FAR1: variants seen among roughly 807,000 people sequenced by gnomAD.
The protein encoded by FAR1 is male sterility domain-containing protein 2.
Under a neutral mutation model 61.1 loss-of-function variants are expected in FAR1, and 22 were observed. The observed-to-expected ratio is 0.36, with a 90% CI of 0.26 to 0.51. FAR1 has a LOEUF of 0.51. Among genes scored for constraint, FAR1 ranks in the 20% least tolerant of loss-of-function variants. FAR1 has a pLI of 0.95. For synonymous variants in FAR1, 206 were observed against 209.7 expected (o/e 0.98, Z 0.15); for missense variants, 359 against 626.9 (o/e 0.57, Z 4.56).
intron 3 of FAR1, among the ~76,000 whole-genome samples, chr11:13,707,211 C>T (rs1848441917): frequency 6.6e-6 from 1 of 152,162 alleles, no homozygotes; most frequent in South Asian, 2.1e-4. Context: ...AACTTTTCTG[C>T]ATATATACTT....
At chr11:13,685,108 T>TGTGC (rs1299806640) in intron 1 of FAR1, among the ~76,000 whole-genome samples, 1 of 152,188 alleles carries the variant, frequency 6.6e-6, no homozygotes, top group African/African-American at 2.4e-5. Flanking sequence ...CTGAAAATGA[T>TGTGC]GTCTTTTTAT....
intron 1 of FAR1, among the ~76,000 whole-genome samples, chr11:13,688,646 A>T (rs780593141): frequency 3.3e-5 from 5 of 152,114 alleles, no homozygotes. Context: ...TTGTTGAATA[A>T]ATTTTTACAT....
chr11:13,715,296 G>T (rs1017826662), intron 9 of FAR1, among the ~76,000 whole-genome samples: 1 of 152,128 alleles, frequency 6.6e-6, no homozygotes, highest in African/African-American at 2.4e-5. Context: ...TTAGAATTTG[G>T]AGATCTTTGG....
At position 13,729,460 on chromosome 11, in the gene FAR1, C is replaced by T. The variant is rs964916111; in HGVS notation, c.*686C>T. The stretch of plus-strand genomic sequence containing the variant: ...TCTAAATGGGTTTGAGAATCCATAT[C>T]AGCAACATACGTGTTTTTTGACAGA... On this transcript the variant is annotated 3_prime_UTR_variant, in exon 12 of 12. Transcript: ENST00000354817. 1 of 151,928 alleles carries T rather than the reference C, an allele frequency of 6.6e-6. No homozygotes were observed. Among genetic ancestry groups the T allele is most frequent in the African/African-American group, 2.4e-5 (1 of 41,424 alleles). The allele number at this position is 151,928 out of a possible 1,614,324, so 9.4% of individuals were successfully genotyped here.
chr11:13,687,965 G>A (rs1354651655), intron 1 of FAR1, among the ~76,000 whole-genome samples: 1 of 119,660 alleles, frequency 8.4e-6, no homozygotes, highest in Non-Finnish European at 1.7e-5. Flanking sequence ...GGGGGGAGGG[G>A]GGAGGGATAG....
intron 1 of FAR1, among the ~76,000 whole-genome samples, chr11:13,684,708 A>C (rs1190765856): frequency 1.3e-5 from 2 of 152,220 alleles, no homozygotes; most frequent in African/African-American, 2.4e-5. Context: ...GCAGTTTATA[A>C]GCTGGGCCTC....
rs1205387883 is a variant in FAR1, at chr11:13,731,122, G to T, written c.*2348G>T. On this transcript the variant is annotated 3_prime_UTR_variant, in exon 12 of 12. Transcript: ENST00000354817. The stretch of plus-strand genomic sequence containing the variant: ...TAAACTGTATTCTAAAACATTTGGG[G>T]TTTTTCCCCCTATTCAGTTTTAATC... 1 of 152,314 alleles carries T rather than the reference G, an allele frequency of 6.6e-6. No individual in the cohort carries two copies. The highest frequency in any genetic ancestry group is 1.5e-5 in the Non-Finnish European group (1 of 67,994). 9.4% of individuals were successfully genotyped at this position (152,314 alleles called of 1,614,324 possible).
Position 13,730,901 on chromosome 11 carries a change from TAA to T in FAR1, c.*2129_*2130del, listed in dbSNP as rs1443912071. On this transcript the variant is annotated 3_prime_UTR_variant, in exon 12 of 12. Transcript: ENST00000354817. ...AGAATTTAAAGTTCTAAGATTAGTA[TAA>T]AGAGTATATAGATTGTTAATCCCCA... The T allele has an allele frequency of 2.0e-5, 3 of 152,258 alleles. No individual in the cohort carries two copies. Among genetic ancestry groups the T allele is most frequent in the Middle Eastern group, 6.8e-3 (2 of 294 alleles). The allele number at this position is 152,258 out of a possible 1,614,324, so 9.4% of individuals were successfully genotyped here. A position where few individuals can be genotyped will look rare whatever the true frequency, so the allele number is the denominator to read the frequency against.
At chr11:13,681,272 T>C (rs1372613392) in intron 1 of FAR1, among the ~76,000 whole-genome samples, 1 of 152,188 alleles carries the variant, frequency 6.6e-6, no homozygotes, top group Non-Finnish European at 1.5e-5. Flanking sequence ...AACTCTTCGT[T>C]GTACCGTAGT....
chr11:13,701,857 A>C (rs1565345921), intron 3 of FAR1, among the ~76,000 whole-genome samples: 1 of 152,164 alleles, frequency 6.6e-6, no homozygotes, highest in African/African-American at 2.4e-5. Flanking sequence ...GCAGCATTGT[A>C]ATGGAAGGGC....
At chr11:13,725,145 C>T (rs921298024) in intron 10 of FAR1, among the ~76,000 whole-genome samples, 3 of 152,104 alleles carry the variant, frequency 2.0e-5, no homozygotes, top group African/African-American at 7.2e-5. Context: ...GAATAATTAT[C>T]CTATGAACAT....
intron 1 of FAR1, among the ~76,000 whole-genome samples, chr11:13,671,645 C>T (rs1848005965): frequency 6.6e-6 from 1 of 152,128 alleles, no homozygotes; most frequent in Non-Finnish European, 1.5e-5. Flanking sequence ...TTGTGGCAGA[C>T]ACTGTTTTGA....
At chr11:13,689,880 T>C (rs1848229306) in intron 1 of FAR1, among the ~76,000 whole-genome samples, 2 of 150,500 alleles carry the variant, frequency 1.3e-5, no homozygotes, top group Admixed American at 1.3e-4. Context: ...GATCTTTTTT[T>C]TTTTTTTTTT....
chr11:13,695,054 C>A, intron 2 of FAR1, 100 bp downstream of exon 2: 3 of 1,006,526 alleles, frequency 3.0e-6, no homozygotes, highest in South Asian at 3.7e-5. Flanking sequence ...CTTCAGTATT[C>A]TGAAAAAATT....
intron 4 of FAR1, among the ~76,000 whole-genome samples, chr11:13,709,085 AAT>A (rs1196258325): frequency 6.6e-5 from 10 of 152,202 alleles, no homozygotes; most frequent in African/African-American, 1.9e-4. Flanking sequence ...ATCCTTATAT[AAT>A]ATCTTTGAAT....
At chr11:13,683,131 G>A (rs545860359) in intron 1 of FAR1, among the ~76,000 whole-genome samples, 152 of 152,260 alleles carry the variant, frequency 1.0e-3, no homozygotes, top group Middle Eastern at 3.4e-3. Flanking sequence ...GGTGGCTCAC[G>A]CCTGTAATCC....
intron 1 of FAR1, among the ~76,000 whole-genome samples, chr11:13,694,517 G>A (rs1413239598): frequency 6.6e-6 from 1 of 152,166 alleles, no homozygotes; most frequent in Admixed American, 6.5e-5. Flanking sequence ...CAAGTCCAGA[G>A]AACGTGAGTG....
rs1355218759 is a variant in FAR1 at position 13,730,088 on chromosome 11, T to G, written c.*1314T>G. ...TCTACTTACTGTTTTAACATACATTTGATTTAACAAATTGTTCAGCATAAC... is the reference window on the plus strand; with the variant it reads ...TCTACTTACTGTTTTAACATACATTGGATTTAACAAATTGTTCAGCATAAC... On this transcript the variant is annotated 3_prime_UTR_variant, in exon 12 of 12. Transcript: ENST00000354817. 1 of 152,432 alleles carries G rather than the reference T, an allele frequency of 6.6e-6. No homozygotes were observed. Among genetic ancestry groups the G allele is most frequent in the African/African-American group, 2.4e-5 (1 of 41,464 alleles). The allele number at this position is 152,432 out of a possible 1,614,324, so 9.4% of individuals were successfully genotyped here.
chr11:13,698,921 G>T lies in FAR1; in HGVS notation c.190-1396G>T, dbSNP rs562603586. ...GTGGCTTAAAAGGCACAGTTATCTG[G>T]CCTTTCTTATCTCCATACAACTCTA... On this transcript the variant is annotated intron_variant, in intron 2 of 11. Coordinates refer to ENST00000354817, the MANE Select transcript of FAR1 (RefSeq NM_032228.6). Among the ~76,000 whole-genome samples, 12 of 152,138 alleles carry T rather than the reference G, an allele frequency of 7.9e-5. No individual in the cohort carries two copies. The East Asian group carries it at 2.3e-3, about 29-fold the overall frequency.
Sources: allele counts gnomAD v4.1 joint callset (sites outside exome capture counted in the v4.1 genomes callset), GRCh38; gene constraint gnomAD v4.1.1; transcripts MANE v1.5; gene names NCBI Gene and HGNC (gene_info 2026-07-23, HGNC 2026-07-21).